Variants in TNRC18 observed in about 807,000 individuals in gnomAD.
The protein encoded by TNRC18 is trinucleotide repeat containing 18, also known as trinucleotide repeat-containing gene 18 protein.
A neutral mutation model predicts 226.7 loss-of-function variants in TNRC18; 69 were observed. The observed-to-expected ratio is 0.30, with a 90% confidence interval of 0.25 to 0.37. The LOEUF (loss-of-function observed/expected upper bound fraction) is 0.37. Among genes scored for constraint, TNRC18 ranks in the 10% least tolerant of loss-of-function variants. The probability of loss-of-function intolerance (pLI) is 1.00; values close to 1 mark genes in which losing one functional copy is unlikely to be tolerated. For missense variants in TNRC18, 4,754 were observed against 4,256.6 expected (o/e 1.12, Z -3.25); for synonymous variants, 2,449 against 1,927.6 (o/e 1.27, Z -7.09).
intron 2 of TNRC18, among the ~76,000 whole-genome samples, chr7:5,416,983 TA>T (rs979358211): frequency 1.3e-3 from 22 of 16,320 alleles, no homozygotes; most frequent in Middle Eastern, 0.056. Flanking sequence ...CCCTGTCTCT[TA>T]AAAAAAAAAT....
At position 5,324,852 on chromosome 7, in the gene TNRC18, G is replaced by T. The variant is rs894411652; in HGVS notation, c.6300+244C>A. 6.6e-6 allele frequency among the ~76,000 whole-genome samples: 1 copy of T among 152,198 alleles called. No homozygotes were observed. ...GGGGGCCTGTCACCCAGGTCTCCTGGTCTCTGTTCCAGTGTCCCTCGCCCC... is the reference window on the plus strand; with the variant it reads ...GGGGGCCTGTCACCCAGGTCTCCTGTTCTCTGTTCCAGTGTCCCTCGCCCC... On this transcript the variant is annotated intron_variant, in intron 20 of 29. Coordinates refer to ENST00000430969, the MANE Select transcript of TNRC18 (RefSeq NM_001080495.3). The surrounding 1 kb of genome is among the most constrained non-coding windows in gnomAD (Gnocchi z 4.8).
chr7:5,321,732 C>T (rs28690697), intron 21 of TNRC18, among the ~76,000 whole-genome samples: 15,029 of 151,604 alleles, frequency 0.099, 885 homozygotes, highest in Admixed American at 0.16. Flanking sequence ...AGTGCAATGG[C>T]ATGATCTCGG....
chr7:5,391,976 G>A (rs1780336131), intron 3 of TNRC18, among the ~76,000 whole-genome samples: 1 of 151,634 alleles, frequency 6.6e-6, no homozygotes, highest in Admixed American at 6.6e-5. Flanking sequence ...TGGGATCCCA[G>A]GCCAATTAGA....
chr7:5,418,221 T>G (rs953358129), intron 2 of TNRC18, among the ~76,000 whole-genome samples: 1 of 152,230 alleles, frequency 6.6e-6, no homozygotes, highest in Non-Finnish European at 1.5e-5. Context: ...GTCAGTTACA[T>G]GCCCATCTCC....
intron 18 of TNRC18, among the ~76,000 whole-genome samples, chr7:5,336,140 G>A (rs1790093203): frequency 6.6e-6 from 1 of 151,782 alleles, no homozygotes; most frequent in South Asian, 2.1e-4. Flanking sequence ...CCAGGAGGCG[G>A]AGGTTGCCAT....
intron 2 of TNRC18, among the ~76,000 whole-genome samples, chr7:5,405,669 G>A (rs1479966558): frequency 1.3e-5 from 2 of 152,184 alleles, no homozygotes; most frequent in Admixed American, 6.5e-5. Context: ...CGTGAACCCA[G>A]GAGGGGGAGG....
At chr7:5,407,600 A>T (rs1562631598) in intron 2 of TNRC18, among the ~76,000 whole-genome samples, 1 of 152,140 alleles carries the variant, frequency 6.6e-6, no homozygotes, top group Non-Finnish European at 1.5e-5. Flanking sequence ...ATGGGCAGGG[A>T]CTTTGTCTTG....
At position 5,377,602 on chromosome 7, in the gene TNRC18, C is replaced by T. The variant is rs112513620; in HGVS notation, c.2256-26G>A. ...CTGGAAGGAGGATCATAGGTGTCAG[C>T]GACAGCTCGGACAGCCCAGGGGACG... is the stretch of plus-strand genomic sequence containing the variant. On this transcript the variant is annotated intron_variant, in intron 6 of 29. Coordinates refer to ENST00000430969, the MANE Select transcript of TNRC18 (RefSeq NM_001080495.3). This position sits in a 1 kb window ranked among gnomAD's most constrained non-coding sequence, Gnocchi z 5.8. 3.1e-4 allele frequency: 483 copies of T among 1,550,664 alleles called. 1 individual carries two copies. The highest frequency in any genetic ancestry group is 1.4e-3 in the African/African-American group (103 of 73,470).
At position 5,377,666 on chromosome 7, in the gene TNRC18, AC is replaced by A; in HGVS notation, c.2256-91del. ...GGGTTGCCCCAAGGAACTGTTTGCCACCAGGCCATGAGTCAGGACAACCACT... is the reference window on the plus strand; with the variant it reads ...GGGTTGCCCCAAGGAACTGTTTGCCACAGGCCATGAGTCAGGACAACCACT... On this transcript the variant is annotated intron_variant, in intron 6 of 29. Coordinates refer to ENST00000430969, the MANE Select transcript of TNRC18 (RefSeq NM_001080495.3). The surrounding 1 kb of genome is among the most constrained non-coding windows in gnomAD (Gnocchi z 5.8). 7.3e-7 allele frequency: 1 copy of A among 1,368,892 alleles called. No individual in the cohort carries two copies. The highest frequency in any genetic ancestry group is 1.0e-6 in the Non-Finnish European group (1 of 999,394). 84.8% of individuals were successfully genotyped at this position (1,368,892 alleles called of 1,614,324 possible).
chr7:5,374,208 T>TGGTGGGGGGG lies in TNRC18; in HGVS notation c.3075_3076insCCCCCCCACC (p.Thr1026ProfsTer91). ...GGGCTGGTGGGGTGGGAGCTGGGGGTGGCGGGGTAGGCGTAGGCGGGTGGC... is the reference window on the plus strand; with the variant it reads ...GGGCTGGTGGGGTGGGAGCTGGGGGTGGTGGGGGGGGGCGGGGTAGGCGTAGGCGGGTGGC... On this transcript the variant is annotated frameshift_variant, in exon 10 of 30. Coordinates refer to ENST00000430969, the MANE Select transcript of TNRC18 (RefSeq NM_001080495.3). LOFTEE classifies it high-confidence loss of function. 1.5e-6 allele frequency: 1 copy of TGGTGGGGGGG among 675,316 alleles called. No individual in the cohort carries two copies. Among genetic ancestry groups the TGGTGGGGGGG allele is most frequent in the Non-Finnish European group, 1.8e-6 (1 of 570,774 alleles). 41.8% of individuals were successfully genotyped at this position (675,316 alleles called of 1,614,324 possible).
chr7:5,331,722 C>A (rs976149910), intron 19 of TNRC18, among the ~76,000 whole-genome samples: 2 of 152,090 alleles, frequency 1.3e-5, no homozygotes, highest in African/African-American at 4.8e-5. Context: ...CCAGCCTGGG[C>A]AATGCAGCAA....
At chr7:5,347,300 G>A (rs1211288826) in intron 17 of TNRC18, among the ~76,000 whole-genome samples, 1 of 150,192 alleles carries the variant, frequency 6.7e-6, no homozygotes, top group Non-Finnish European at 1.5e-5. Flanking sequence ...CCATTCTCCT[G>A]CCTCAGCCTC....
intron 4 of TNRC18, chr7:5,390,170 C>A: frequency 2.1e-6 from 1 of 469,532 alleles, no homozygotes; most frequent in Non-Finnish European, 3.7e-6. Flanking sequence ...TTGAAACCAT[C>A]CTGGGCAACA....
At position 5,352,046 on chromosome 7, in the gene TNRC18, G is replaced by A; in HGVS notation, c.5243C>T (p.Ala1748Val). 6.2e-7 allele frequency: 1 copy of A among 1,613,310 alleles called. No individual in the cohort carries two copies. The highest frequency in any genetic ancestry group is 1.1e-5 in the South Asian group (1 of 90,930). ...DEEFLKDEWP[A>V]QGPSSSKLTP... Reference sequence around the variant, plus strand: ...CAGTTTGGAGCTGGAGGGGCCTTGGGCGGGCCACTCGTCCTTCAGGAATTC... The same window carrying A: ...CAGTTTGGAGCTGGAGGGGCCTTGGACGGGCCACTCGTCCTTCAGGAATTC... The change falls in exon 17 of 30, where the codon GCC becomes GTC. Residue 1748 changes from alanine (A) to valine (V), a missense_variant. Physicochemically the swap from Ala to Val is moderately conservative, Grantham distance 64 (BLOSUM62 0). Transcript: ENST00000430969.
chr7:5,405,219 G>T (rs58082097), intron 2 of TNRC18, among the ~76,000 whole-genome samples: 8 of 152,220 alleles, frequency 5.3e-5, no homozygotes, highest in South Asian at 2.1e-4. Context: ...CTTGGGCTCA[G>T]GATTTCAAGA....
rs1787258883 is a variant in TNRC18, at chr7:5,311,912, C to A, written c.8388+591G>T. On this transcript the variant is annotated intron_variant, in intron 27 of 29. Coordinates refer to ENST00000430969, the MANE Select transcript of TNRC18 (RefSeq NM_001080495.3). ...CTTTGGGAGTCCGAGGCAGGCAGATCACTTGAGGCCAGGAGAGTTTGAGAT... is the reference window on the plus strand; with the variant it reads ...CTTTGGGAGTCCGAGGCAGGCAGATAACTTGAGGCCAGGAGAGTTTGAGAT... Among the ~76,000 whole-genome samples the A allele has an allele frequency of 2.6e-5, 4 of 151,694 alleles. No individual in the cohort carries two copies. The South Asian group carries it at 8.3e-4, about 32-fold the overall frequency.
intron 2 of TNRC18, among the ~76,000 whole-genome samples, chr7:5,419,406 G>A (rs1423155778): frequency 6.6e-6 from 1 of 151,466 alleles, no homozygotes; most frequent in South Asian, 2.1e-4. Flanking sequence ...CCCAGGCTTG[G>A]GGGGGGCCCC....
Position 5,324,066 on chromosome 7 carries a change from C to G in TNRC18, c.6442+148G>C, listed in dbSNP as rs574775281. The G allele has an allele frequency of 4.9e-5, 45 of 909,728 alleles. No homozygotes were observed. The highest frequency in any genetic ancestry group is 7.3e-5 in the Non-Finnish European group (45 of 617,000). 56.4% of individuals were successfully genotyped at this position (909,728 alleles called of 1,614,324 possible). A position where few individuals can be genotyped will look rare whatever the true frequency, so the allele number is the denominator to read the frequency against. On this transcript the variant is annotated intron_variant, in intron 21 of 29. Transcript: ENST00000430969. This position sits in a 1 kb window ranked among gnomAD's most constrained non-coding sequence, Gnocchi z 4.8. ...AGCCAGTCCAGCCTTCTCATCGACC[C>G]GGATAACTCAGCCTCAGGATCTCTG...
At chr7:5,344,915 C>T (rs919289930) in intron 18 of TNRC18, among the ~76,000 whole-genome samples, 5 of 152,204 alleles carry the variant, frequency 3.3e-5, no homozygotes, top group East Asian at 3.9e-4. Context: ...AGACATGGAC[C>T]GGGGTAAGCG....
Sources: allele counts gnomAD v4.1 joint callset (sites outside exome capture counted in the v4.1 genomes callset), GRCh38; gene constraint gnomAD v4.1.1; non-coding constraint Gnocchi (gnomAD v3.1); transcripts MANE v1.5; gene names NCBI Gene and HGNC (gene_info 2026-07-23, HGNC 2026-07-21).